CPT1C: variants seen among roughly 807,000 people sequenced by gnomAD.
CPT1C encodes the protein carnitine palmitoyltransferase 1C.
Under a neutral mutation model 97.3 loss-of-function variants are expected in CPT1C, and 61 were observed. The ratio of observed to expected loss-of-function variants is 0.63; its 90% CI spans 0.51 to 0.78. CPT1C has a LOEUF of 0.78. CPT1C is among the 30% of genes least tolerant of loss of function. The pLI, the probability that CPT1C is intolerant of heterozygous loss-of-function variation, is 0.00. For missense variants in CPT1C, 975 were observed against 1,065.5 expected, an observed-to-expected ratio of 0.92 and a Z score of 1.18; for synonymous variants, 469 against 447.2, an observed-to-expected ratio of 1.05 and a Z score of -0.61.
At chr19:49,696,971 A>C (rs760656096) in intron 3 of CPT1C, among the ~76,000 whole-genome samples, 4 of 152,128 alleles carry the variant, frequency 2.6e-5, no homozygotes, top group Non-Finnish European at 4.4e-5. Flanking sequence ...TGACCTCCCA[A>C]AGTGCTGAGT....
At chr19:49,711,260 ATT>A (rs34561432) in intron 16 of CPT1C, 40 of 135,258 alleles carry the variant, frequency 3.0e-4, no homozygotes, top group Non-Finnish European at 3.6e-4. Context: ...TGCCCAGCTA[ATT>A]TTTTTTTTTT....
rs749307802 is a variant in CPT1C at position 49,692,359 on chromosome 19, T to A, written c.107T>A (p.Leu36Gln). 6.2e-6 allele frequency: 10 copies of A among 1,613,996 alleles called. No homozygotes were observed. The South Asian group carries it at 1.1e-4, about 18-fold the overall frequency. The change falls in exon 3 of 20, where the codon CTG becomes CAG. Residue 36 changes from leucine to glutamine, a missense_variant. Physicochemically the swap from Leu to Gln is moderately radical, Grantham distance 113. Transcript: ENST00000598293. ...PVLQEIYLSG[L>Q]RSWKRHLSRF... is the part of the protein sequence containing the mutation. ...CTGCAGGAGATCTACCTCTCTGGCC[T>A]GCGCTCCTGGAAAAGGCATCTCTCA...
chr19:49,711,549 A>C, intron 16 of CPT1C: 1 of 518,832 alleles, frequency 1.9e-6, no homozygotes, highest in Non-Finnish European at 3.5e-6. Context: ...CCCCGCACCT[A>C]CAAGGTATTG....
rs138541789 is a variant in CPT1C, at chr19:49,704,512, G to A, written c.694-198G>A. 4.7e-4 allele frequency among the ~76,000 whole-genome samples: 71 copies of A among 152,198 alleles called. No individual in the cohort carries two copies. The East Asian group carries it at 5.4e-3, about 12-fold the overall frequency. On this transcript the variant is annotated intron_variant, in intron 7 of 19. Transcript: ENST00000598293. ...ACCAGCTATGTAATATTCCACTGCC[G>A]GAGTATAACAGGGTTTAGCTAACTG...
intron 14 of CPT1C, among the ~76,000 whole-genome samples, chr19:49,709,890 A>G (rs1043560796): frequency 2.2e-4 from 32 of 144,540 alleles, no homozygotes; most frequent in Non-Finnish European, 1.5e-5. Flanking sequence ...CTCTGTACCC[A>G]GGCTGGAGTG....
chr19:49,708,633 C>A, intron 13 of CPT1C, 90 bp from the exon 14 acceptor site: 1 of 919,656 alleles, frequency 1.1e-6, no homozygotes, highest in Admixed American at 1.8e-5. Context: ...GCCCCCTACC[C>A]GAAAAAGGGC....
Position 49,710,409 on chromosome 19 carries a change from C to A in CPT1C, c.1656C>A (p.Gly552=). 6.2e-7 allele frequency: 1 copy of A among 1,614,170 alleles called. No homozygotes were observed. The change falls in exon 15 of 20, where the codon GGC becomes GGA. Residue 552 remains glycine, a synonymous_variant. Coordinates refer to ENST00000598293, the MANE Select transcript of CPT1C (RefSeq NM_001199753.2). The stretch of plus-strand genomic sequence containing the variant: ...ATGTCGTTCCATTCTCCCTATTTGG[C>A]AAGAGCTTCATCCGACGCTGCCACC... The part of the protein sequence containing the change: ...DCHVVPFSLF[G]KSFIRRCHLS...
At chr19:49,693,032 G>T (rs566427007) in intron 3 of CPT1C, among the ~76,000 whole-genome samples, 1 of 152,168 alleles carries the variant, frequency 6.6e-6, no homozygotes. Context: ...GGGATTACAG[G>T]CATGGATTAT....
At chr19:49,704,622 C>T (rs1211143084) in intron 7 of CPT1C, 88 bp from the exon 8 acceptor site, 2 of 1,001,080 alleles carry the variant, frequency 2.0e-6, no homozygotes, top group African/African-American at 3.2e-5. Context: ...CTGCCTGACG[C>T]AGGAGCATCT....
chr19:49,711,645 A>C, intron 16 of CPT1C, 164 bp from the exon 17 acceptor site: 1 of 748,342 alleles, frequency 1.3e-6, no homozygotes, highest in Non-Finnish European at 2.1e-6. Flanking sequence ...ACCTGGCCAA[A>C]TGATTTCCCC....
chr19:49,701,159 C>T (rs572117292), intron 5 of CPT1C, among the ~76,000 whole-genome samples, 158 bp from the exon 6 acceptor site: 58 of 150,804 alleles, frequency 3.8e-4, no homozygotes, highest in Non-Finnish European at 6.1e-4. Flanking sequence ...GTCTCTGTCC[C>T]CTGTCTCTGG....
intron 18 of CPT1C, 48 bp downstream of exon 18, chr19:49,712,897 G>A (rs1568547940): frequency 1.3e-6 from 2 of 1,597,222 alleles, no homozygotes; most frequent in East Asian, 4.5e-5. Context: ...AGGGGGCTGG[G>A]GGGCCTGCAC....
At chr19:49,707,274 A>T (rs943555200) in intron 12 of CPT1C, among the ~76,000 whole-genome samples, 2 of 152,010 alleles carry the variant, frequency 1.3e-5, no homozygotes, top group African/African-American at 4.8e-5. Context: ...GACAAGAGTG[A>T]AACTCCATCT....
At position 49,704,801 on chromosome 19, in the gene CPT1C, G is replaced by T; in HGVS notation, c.771+14G>T. 4 of 1,613,194 alleles carry T rather than the reference G, an allele frequency of 2.5e-6. No individual in the cohort carries two copies. The African/African-American group carries it at 5.3e-5, about 22-fold the overall frequency. On this transcript the variant is annotated intron_variant, in intron 8 of 19. Transcript: ENST00000598293. ...TATTACATGATGGTGAGAAGGGGAGGGGTGAGGTTCATAGGCCCCAGGTCT... is the reference window on the plus strand; with the variant it reads ...TATTACATGATGGTGAGAAGGGGAGTGGTGAGGTTCATAGGCCCCAGGTCT...
rs1336798593 is a variant in CPT1C at position 49,708,779 on chromosome 19, G to C, written c.1506G>C (p.Lys502Asn). The change falls in exon 14 of 20, where the codon AAG (lysine) becomes AAC (asparagine). Residue 502 changes from lysine to asparagine, a missense_variant. Coordinates refer to ENST00000598293, the MANE Select transcript of CPT1C (RefSeq NM_001199753.2). The part of the protein sequence containing the change: ...QLGYSTDGHC[K>N]GHPDPTLPQP... ...GCTACTCAACAGACGGCCACTGCAA[G>C]GGGCACCCGGACCCCACACTACCCC... 2 of 1,613,990 alleles carry C rather than the reference G, an allele frequency of 1.2e-6. No individual in the cohort carries two copies. Among genetic ancestry groups the C allele is most frequent in the South Asian group, 2.2e-5 (2 of 91,076 alleles).
chr19:49,713,198 C>T, intron 19 of CPT1C, 134 bp downstream of exon 19: 2 of 821,362 alleles, frequency 2.4e-6, no homozygotes, highest in Middle Eastern at 3.7e-4. Flanking sequence ...AGTCCAGGCC[C>T]CCAGCCCCTC....
Position 49,708,850 on chromosome 19 carries a change from G to C in CPT1C, c.1566+11G>C. Reference sequence around the variant, plus strand: ...GACCTTCCAGACCAGGTGAGGCTGGGTTTCTGGGCCTCTCCTCCAAGTCCC... The same window carrying C: ...GACCTTCCAGACCAGGTGAGGCTGGCTTTCTGGGCCTCTCCTCCAAGTCCC... On this transcript the variant is annotated intron_variant, in intron 14 of 19. Coordinates refer to ENST00000598293, the MANE Select transcript of CPT1C (RefSeq NM_001199753.2). 1 of 1,556,706 alleles carries C rather than the reference G, an allele frequency of 6.4e-7. No homozygotes were observed. Among genetic ancestry groups the C allele is most frequent in the Non-Finnish European group, 8.9e-7 (1 of 1,129,704 alleles).
rs2083179955 is a variant in CPT1C at position 49,702,089 on chromosome 19, T to TTATTTATAAATTATAAATAAATATA, written c.693+474_693+475insAATATATATTTATAAATTATAAATA. Among the ~76,000 whole-genome samples, 9 of 103,892 alleles carry TTATTTATAAATTATAAATAAATATA rather than the reference T, an allele frequency of 8.7e-5. 1 individual carries two copies. The South Asian group carries it at 2.6e-3, about 30-fold the overall frequency. 68.2% of individuals were successfully genotyped at this position (103,892 alleles called of 152,430 possible). A position where few individuals can be genotyped will look rare whatever the true frequency, so the allele number is the denominator to read the frequency against. On this transcript the variant is annotated intron_variant, in intron 7 of 19. Transcript: ENST00000598293. The stretch of plus-strand genomic sequence containing the variant: ...TTATTTATAAATTATAAATATATAT[T>TTATTTATAAATTATAAATAAATATA]TATTTATAAATTATAAATATATATT...
At chr19:49,692,859 G>A (rs925790601) in intron 3 of CPT1C, among the ~76,000 whole-genome samples, 1 of 151,996 alleles carries the variant, frequency 6.6e-6, no homozygotes, top group Admixed American at 6.6e-5. Flanking sequence ...CCAGGTAGCC[G>A]GGATTATTGG....
Sources: gnomAD v4.1 joint callset for allele counts (sites outside exome capture counted in the v4.1 genomes callset) on GRCh38, gnomAD v4.1.1 for gene constraint, MANE v1.5 for transcripts, NCBI Gene and HGNC (gene_info 2026-07-23, HGNC 2026-07-21) for gene names.